Variants in ASXL2 observed in about 807,000 individuals in gnomAD.
ASXL2 encodes the protein ASXL transcriptional regulator 2, also known as putative Polycomb group protein ASXL2.
A neutral mutation model predicts 122.0 loss-of-function variants in ASXL2; 23 were observed. The ratio of observed to expected loss-of-function variants is 0.19; its 90% CI spans 0.14 to 0.27. The LOEUF is 0.27. Among genes scored for constraint, ASXL2 ranks in the 10% least tolerant of loss-of-function variants. ASXL2 has a pLI of 1.00. For missense variants in ASXL2, 1,518 were observed against 1,713.8 expected (o/e 0.89, Z 2.02); for synonymous variants, 650 against 637.0 (o/e 1.02, Z -0.31).
chr2:25,864,401 G>A (rs191422068), intron 1 of ASXL2, among the ~76,000 whole-genome samples: 59 of 152,142 alleles, frequency 3.9e-4, no homozygotes, highest in South Asian at 2.7e-3. Flanking sequence ...ATCCAGTTTC[G>A]CAAACTACAG....
chr2:25,838,775 T>C (rs1482934810), intron 2 of ASXL2, among the ~76,000 whole-genome samples: 1 of 152,244 alleles, frequency 6.6e-6, no homozygotes, highest in Non-Finnish European at 1.5e-5. Context: ...CATTTTGCCA[T>C]AACTGTTACT....
rs1202014156 is a variant in ASXL2 at position 25,735,544 on chromosome 2, T to C, written c.*6485A>G. On this transcript the variant is annotated 3_prime_UTR_variant, in exon 13 of 13. Transcript: ENST00000435504. ...AATGAAGAGATACAGTTACTTATCA[T>C]CTATAAGATGAAAATCATGTTTTAA... The C allele has an allele frequency of 6.6e-6, 1 of 152,204 alleles. No homozygotes were observed. Among genetic ancestry groups the C allele is most frequent in the Non-Finnish European group, 1.5e-5 (1 of 68,028 alleles). 9.4% of individuals were successfully genotyped at this position (152,204 alleles called of 1,614,324 possible).
intron 3 of ASXL2, among the ~76,000 whole-genome samples, chr2:25,819,904 CTTATTTAT>C (rs879625913): frequency 1.3e-5 from 2 of 151,892 alleles, no homozygotes; most frequent in Non-Finnish European, 2.9e-5. Context: ...GCTTGACTGA[CTTATTTAT>C]TTATTTATTT....
At chr2:25,824,360 T>C (rs2089349943) in intron 3 of ASXL2, among the ~76,000 whole-genome samples, 1 of 152,134 alleles carries the variant, frequency 6.6e-6, no homozygotes, top group South Asian at 2.1e-4. Context: ...GCAGGTGGTA[T>C]AAAAGATGAA....
intron 1 of ASXL2, among the ~76,000 whole-genome samples, chr2:25,852,637 G>A (rs139569591): frequency 6.6e-6 from 1 of 151,988 alleles, no homozygotes; most frequent in East Asian, 1.9e-4. Flanking sequence ...AAGAGATGAG[G>A]GCTTCTGCTA....
In ASXL2 at chr2:25,799,453, T is replaced by G; in HGVS notation, c.335A>C (p.Glu112Ala). 1.2e-6 allele frequency: 2 copies of G among 1,614,036 alleles called. No homozygotes were observed. The highest frequency in any genetic ancestry group is 2.2e-5 in the East Asian group (1 of 44,878). The stretch of plus-strand genomic sequence containing the variant: ...ACCATCACTGCTGCTGCTGCTGTTC[T>G]CAGAACTCTGGGAATCTGACTGACC... ...SDGQSDSQSS[E>A]NSSSSSDGGS... The change falls in exon 5 of 13, where the codon GAG becomes GCG. Residue 112 changes from glutamate (E) to alanine (A), a missense_variant. Transcript: ENST00000435504.
Position 25,765,490 on chromosome 2 carries a change from G to GA in ASXL2, c.775+2092dup, listed in dbSNP as rs879607803. 3.4e-3 allele frequency among the ~76,000 whole-genome samples: 478 copies of GA among 139,588 alleles called. 3 individuals carry two copies. Among genetic ancestry groups the GA allele is most frequent in the African/African-American group, 2.0e-3 (77 of 38,030 alleles). 91.6% of individuals were successfully genotyped at this position (139,588 alleles called of 152,430 possible). A position where few individuals can be genotyped will look rare whatever the true frequency, so the allele number is the denominator to read the frequency against. ...AGAGCGCGACTCCCTCTCAAAAAAAGAAAAAAAAAAAGAAAATAGTCATTG... is the reference window on the plus strand; with the variant it reads ...AGAGCGCGACTCCCTCTCAAAAAAAGAAAAAAAAAAAAGAAAATAGTCATTG... On this transcript the variant is annotated intron_variant, in intron 8 of 12. Coordinates refer to ENST00000435504, the MANE Select transcript of ASXL2 (RefSeq NM_018263.6).
chr2:25,868,635 A>T (rs2089929475), intron 1 of ASXL2, among the ~76,000 whole-genome samples: 1 of 152,240 alleles, frequency 6.6e-6, no homozygotes, highest in African/African-American at 2.4e-5. Context: ...GGTGTGTCTT[A>T]GCATAATTTT....
intron 3 of ASXL2, among the ~76,000 whole-genome samples, chr2:25,815,926 A>C (rs532770980): frequency 5.3e-5 from 8 of 152,314 alleles, no homozygotes; most frequent in South Asian, 2.1e-4. Context: ...AAGAACAACA[A>C]CACAGGAGAA....
intron 4 of ASXL2, among the ~76,000 whole-genome samples, chr2:25,802,261 A>G (rs1460531346): frequency 6.6e-6 from 1 of 152,248 alleles, no homozygotes; most frequent in Non-Finnish European, 1.5e-5. Flanking sequence ...TTTAAAAGCA[A>G]AGAACATTTT....
intron 3 of ASXL2, among the ~76,000 whole-genome samples, chr2:25,821,555 G>A (rs2089311305): frequency 6.6e-6 from 1 of 151,460 alleles, no homozygotes; most frequent in Non-Finnish European, 1.5e-5. Context: ...CTCGAGGTCA[G>A]GAGTTGGAAA....
chr2:25,743,720 T>C lies in ASXL2; in HGVS notation c.2617A>G (p.Lys873Glu). The change falls in exon 13 of 13, where the codon AAG becomes GAG. Residue 873 changes from lysine to glutamate, a missense_variant. Lys to Glu is a moderately conservative substitution (Grantham distance 56, BLOSUM62 1). This residue lies in a region of ASXL2 where 831 missense variants were observed against 833.1 expected (regional missense o/e 1.00). Coordinates refer to ENST00000435504, the MANE Select transcript of ASXL2 (RefSeq NM_018263.6). Reference sequence around the variant, plus strand: ...GCCACTGGCACACTAGCATCTGTCTTTGATGAGGCTGAAGGGTTAGGTATA... The same window carrying C: ...GCCACTGGCACACTAGCATCTGTCTCTGATGAGGCTGAAGGGTTAGGTATA... ...KNIPNPSASS[K>E]TDASVPVAVT... 6.2e-7 allele frequency: 1 copy of C among 1,613,968 alleles called. No homozygotes were observed. Among genetic ancestry groups the C allele is most frequent in the Non-Finnish European group, 8.5e-7 (1 of 1,179,884 alleles).
At chr2:25,832,271 T>TA (rs2089463843) in intron 3 of ASXL2, among the ~76,000 whole-genome samples, 1 of 152,184 alleles carries the variant, frequency 6.6e-6, no homozygotes, top group South Asian at 2.1e-4. Flanking sequence ...ACACTTCACT[T>TA]AGAGTGGTAA....
intron 3 of ASXL2, among the ~76,000 whole-genome samples, chr2:25,823,344 T>C (rs939609682): frequency 2.6e-5 from 4 of 152,182 alleles, no homozygotes; most frequent in African/African-American, 7.2e-5. Flanking sequence ...TTTTAGATTA[T>C]AGAACATGGA....
chr2:25,847,819 G>A (rs1207418003), intron 1 of ASXL2, among the ~76,000 whole-genome samples: 1 of 152,096 alleles, frequency 6.6e-6, no homozygotes, highest in African/African-American at 2.4e-5. Flanking sequence ...GAAGTTGCAG[G>A]TTTAAATATA....
At chr2:25,769,708 A>G (rs1433625130) in intron 6 of ASXL2, among the ~76,000 whole-genome samples, 1 of 151,790 alleles carries the variant, frequency 6.6e-6, no homozygotes, top group Non-Finnish European at 1.5e-5. Context: ...TAATTTCAGG[A>G]AAAAAACTGA....
intron 1 of ASXL2, among the ~76,000 whole-genome samples, chr2:25,851,798 C>A (rs923717770): frequency 2.0e-5 from 3 of 151,962 alleles, no homozygotes; most frequent in Non-Finnish European, 4.4e-5. Context: ...GGCTGAGGCA[C>A]GAGAACCGCT....
At position 25,877,553 on chromosome 2, in the gene ASXL2, GA is replaced by G. The variant is rs60025871; in HGVS notation, c.57+612del. The stretch of plus-strand genomic sequence containing the variant: ...TCAGAGTAGGTCTCTACGGAAACAG[GA>G]AAAAAAAAAATTCTACAAGTCCCAC... On this transcript the variant is annotated intron_variant, in intron 1 of 12. Coordinates refer to ENST00000435504, the MANE Select transcript of ASXL2 (RefSeq NM_018263.6). Among the ~76,000 whole-genome samples, 408 of 147,452 alleles carry G rather than the reference GA, an allele frequency of 2.8e-3. 2 individuals carry two copies. The highest frequency in any genetic ancestry group is 9.3e-3 in the African/African-American group (375 of 40,396).
chr2:25,844,115 C>T (rs988521954), intron 2 of ASXL2, among the ~76,000 whole-genome samples: 1 of 152,124 alleles, frequency 6.6e-6, no homozygotes, highest in African/African-American at 2.4e-5. Context: ...ACTCTTTCTC[C>T]AAGAGTGTTA....
Sources: allele counts gnomAD v4.1 joint callset (sites outside exome capture counted in the v4.1 genomes callset), GRCh38; gene constraint gnomAD v4.1.1; regional missense constraint gnomAD v4.1.1; transcripts MANE v1.5; gene names NCBI Gene and HGNC (gene_info 2026-07-23, HGNC 2026-07-21).